The following IFNGR1 variants were observed in gnomAD, a reference collection of about 807,000 sequenced individuals.
The protein encoded by IFNGR1 is AVP, type 2.
In IFNGR1, 23 loss-of-function variants were observed where a neutral mutation model predicts 35.4. The ratio of observed to expected loss-of-function variants is 0.65; its 90% CI spans 0.47 to 0.92. The LOEUF (loss-of-function observed/expected upper bound fraction) is 0.92, where lower values mean the gene tolerates loss of function less well. Ranked by LOEUF, IFNGR1 falls within the 40% of genes least tolerant of loss-of-function variation. The pLI is 0.00. For synonymous variants in IFNGR1, 199 were observed against 209.5 expected, an observed-to-expected ratio of 0.95 and a Z score of 0.43; for missense variants, 533 against 583.4, an observed-to-expected ratio of 0.91 and a Z score of 0.89.
intron 1 of IFNGR1, chr6:137,218,789 T>A (rs559836290): frequency 2.9e-6 from 1 of 349,920 alleles, no homozygotes; most frequent in African/African-American, 2.1e-5. Flanking sequence ...CTACTGCTCT[T>A]AGGTCATGAA....
At chr6:137,199,407 TAA>T (rs1249705851) in intron 6 of IFNGR1, among the ~76,000 whole-genome samples, 1 of 122,960 alleles carries the variant, frequency 8.1e-6, no homozygotes, top group Non-Finnish European at 1.6e-5. Flanking sequence ...ATATAATTTA[TAA>T]TATATTATAT....
In IFNGR1 at chr6:137,198,538, GACC is replaced by G; in HGVS notation, c.960_962del (p.Val321del). Reference sequence around the variant, plus strand: ...TTGCTGGAGACAACGGCTCTTCACAGACCACCTCCTTTTCTAAGGAAAATGGCT... The same window carrying G: ...TTGCTGGAGACAACGGCTCTTCACAGACCTCCTTTTCTAAGGAAAATGGCT... On this transcript the variant is annotated inframe_deletion, in exon 7 of 7. Coordinates refer to ENST00000367739, the MANE Select transcript of IFNGR1 (RefSeq NM_000416.3). 1 of 1,613,904 alleles carries G rather than the reference GACC, an allele frequency of 6.2e-7. No individual in the cohort carries two copies. Among genetic ancestry groups the G allele is most frequent in the Non-Finnish European group, 8.5e-7 (1 of 1,179,856 alleles).
chr6:137,205,325 T>C (rs1779404707), intron 3 of IFNGR1, among the ~76,000 whole-genome samples: 1 of 151,242 alleles, frequency 6.6e-6, no homozygotes, highest in African/African-American at 2.4e-5. Context: ...TAGGGAGGAG[T>C]CAAGTGACTA....
intron 6 of IFNGR1, 54 bp from the exon 7 acceptor site, chr6:137,198,693 C>A: frequency 7.0e-7 from 1 of 1,437,542 alleles, no homozygotes; most frequent in Non-Finnish European, 9.6e-7. Context: ...TAAGTGCCTA[C>A]CCTCAAAAAA....
rs545728221 is a variant in IFNGR1 at position 137,198,795 on chromosome 6, T to C, written c.862-156A>G. On this transcript the variant is annotated intron_variant, in intron 6 of 6. Transcript: ENST00000367739. ...CATTTCTTTTTAATGAAAGGTCCCA[T>C]AGTAATATTAAAAACAAAGTTTTAG... Among the ~76,000 whole-genome samples, 7 of 152,312 alleles carry C rather than the reference T, an allele frequency of 4.6e-5. No individual in the cohort carries two copies. The South Asian group carries it at 8.3e-4, about 18-fold the overall frequency.
chr6:137,218,783 T>G (rs369450954), intron 1 of IFNGR1: 2 of 349,534 alleles, frequency 5.7e-6, no homozygotes, highest in East Asian at 1.5e-4. Flanking sequence ...CACAGCCTAC[T>G]GCTCTTAGGT....
At chr6:137,207,279 G>A (rs1166026328) in intron 1 of IFNGR1, among the ~76,000 whole-genome samples, 4 of 152,110 alleles carry the variant, frequency 2.6e-5, no homozygotes, top group South Asian at 2.1e-4. Flanking sequence ...GTTCTGATTC[G>A]TTTTAAATTA....
At chr6:137,201,739 T>C (rs1779283335) in intron 5 of IFNGR1, among the ~76,000 whole-genome samples, 1 of 151,982 alleles carries the variant, frequency 6.6e-6, no homozygotes, top group African/African-American at 2.4e-5. Context: ...CTTAAGATGA[T>C]TTAGCCCCAC....
intron 1 of IFNGR1, among the ~76,000 whole-genome samples, chr6:137,216,227 A>G (rs1421060049): frequency 1.3e-5 from 2 of 152,252 alleles, no homozygotes; most frequent in Admixed American, 6.5e-5. Flanking sequence ...AATTAGTAGG[A>G]AGCATAGCTG....
intron 2 of IFNGR1, 37 bp from the exon 3 acceptor site, chr6:137,206,345 T>A: frequency 6.7e-7 from 1 of 1,483,572 alleles, no homozygotes; most frequent in Non-Finnish European, 9.4e-7. Context: ...TAACTTTTAT[T>A]GTTATTAAAT....
chr6:137,206,966 T>C lies in IFNGR1; in HGVS notation c.197A>G (p.Tyr66Cys). The change falls in exon 2 of 7, where the codon TAT becomes TGT. Residue 66 changes from tyrosine to cysteine, a missense_variant. Tyr to Cys is a radical substitution (Grantham distance 194, BLOSUM62 -2). Coordinates refer to ENST00000367739, the MANE Select transcript of IFNGR1 (RefSeq NM_000416.3). ...TAAATAAAAGAGTGACACTCACCCA[T>C]AGTTCTTTACCTCTACGGTAAAAAC... ...VPVFTVEVKN[Y>C]GVKNSEWIDA... 6.2e-7 allele frequency: 1 copy of C among 1,600,812 alleles called. No homozygotes were observed. The highest frequency in any genetic ancestry group is 8.6e-7 in the Non-Finnish European group (1 of 1,167,960).
chr6:137,218,593 C>G (rs561939186), intron 1 of IFNGR1: 1 of 833,874 alleles, frequency 1.2e-6, no homozygotes, highest in African/African-American at 2.3e-5. Flanking sequence ...TTTGAGTCCC[C>G]CCCCCCACCC....
chr6:137,206,576 T>C (rs1779435139), intron 2 of IFNGR1: 1 of 415,124 alleles, frequency 2.4e-6, no homozygotes, highest in Non-Finnish European at 4.3e-6. Flanking sequence ...TCTGTTTTTT[T>C]AAACAACTCT....
intron 6 of IFNGR1, among the ~76,000 whole-genome samples, chr6:137,199,122 T>C (rs1168214648): frequency 6.6e-6 from 1 of 151,778 alleles, no homozygotes; most frequent in Non-Finnish European, 1.5e-5. Context: ...CTTTCTCCCA[T>C]GCTGAATGCT....
chr6:137,201,684 AACAAC>A (rs953068813), intron 5 of IFNGR1, among the ~76,000 whole-genome samples: 6 of 143,742 alleles, frequency 4.2e-5, no homozygotes, highest in Non-Finnish European at 7.8e-5. Context: ...AACAAAACAA[AACAAC>A]AAAAAAAAAA....
intron 6 of IFNGR1, among the ~76,000 whole-genome samples, chr6:137,199,523 T>TTTATA (rs1779208017): frequency 1.1e-5 from 1 of 91,072 alleles, no homozygotes; most frequent in Non-Finnish European, 1.9e-5. Context: ...TAATATATTA[T>TTTATA]ATATAATATA....
intron 1 of IFNGR1, among the ~76,000 whole-genome samples, chr6:137,215,022 T>A (rs568179004): frequency 2.6e-4 from 39 of 152,334 alleles, no homozygotes; most frequent in Middle Eastern, 3.4e-3. Flanking sequence ...TATTGAATAA[T>A]CCCTAACATA....
chr6:137,206,398 GC>G (rs1419826938), intron 2 of IFNGR1, 90 bp from the exon 3 acceptor site: 9 of 956,322 alleles, frequency 9.4e-6, no homozygotes, highest in Non-Finnish European at 1.5e-5. Context: ...TTTATTCACA[GC>G]ACAAAGCGGT....
intron 5 of IFNGR1, among the ~76,000 whole-genome samples, chr6:137,201,659 G>A (rs964243012): frequency 2.0e-5 from 3 of 151,422 alleles, no homozygotes; most frequent in Admixed American, 6.6e-5. Context: ...GTGACAGAGC[G>A]AGACTCCATT....
Sources: allele counts gnomAD v4.1 joint callset (sites outside exome capture counted in the v4.1 genomes callset), GRCh38; gene constraint gnomAD v4.1.1; transcripts MANE v1.5; gene names NCBI Gene and HGNC (gene_info 2026-07-23, HGNC 2026-07-21).